THAP8: variants seen among roughly 807,000 people sequenced by gnomAD.
THAP8 encodes THAP domain-containing protein 8.
Under a neutral mutation model 25.0 loss-of-function variants are expected in THAP8, and 24 were observed. That is an observed-to-expected ratio of 0.96 (90% CI 0.69 to 1.35). The LOEUF is 1.35. Among genes scored for constraint, THAP8 ranks in the 40% most tolerant of loss-of-function variants. The pLI is 0.00. For synonymous variants in THAP8, 169 were observed against 157.6 expected (o/e 1.07, Z -0.54); for missense variants, 399 against 368.8 (o/e 1.08, Z -0.67).
intron 1 of THAP8, among the ~76,000 whole-genome samples, chr19:36,046,682 C>G (rs758085950): frequency 1.9e-4 from 29 of 152,190 alleles, no homozygotes; most frequent in Non-Finnish European, 2.8e-4. Flanking sequence ...AACACAAGAT[C>G]TATTGCAACA....
At chr19:36,043,378 G>A (rs1018427213) in intron 1 of THAP8, among the ~76,000 whole-genome samples, 1 of 152,188 alleles carries the variant, frequency 6.6e-6, no homozygotes, top group East Asian at 1.9e-4. Flanking sequence ...CAGTGGAATG[G>A]TGGTTGCCAA....
upstream of THAP8, chr19:36,054,753 A>T: frequency 1.6e-6 from 1 of 619,622 alleles, no homozygotes; most frequent in South Asian, 1.9e-5. Context: ...CATCCAGTAC[A>T]CTGGCTGTGG....
chr19:36,048,558 C>T (rs1969951151), intron 1 of THAP8, among the ~76,000 whole-genome samples: 1 of 151,806 alleles, frequency 6.6e-6, no homozygotes, highest in Admixed American at 6.6e-5. Context: ...AGAAATGGGG[C>T]TTCACCATGT....
intron 1 of THAP8, chr19:36,045,621 G>T: frequency 2.4e-6 from 1 of 413,856 alleles, no homozygotes; most frequent in Admixed American, 2.7e-5. Context: ...ATCTTGAGAT[G>T]GGGAGATTAT....
At chr19:36,047,227 T>A (rs950288733) in intron 1 of THAP8, among the ~76,000 whole-genome samples, 3 of 152,204 alleles carry the variant, frequency 2.0e-5, no homozygotes, top group Non-Finnish European at 4.4e-5. Flanking sequence ...GAAGTCCTTT[T>A]TTTCTTTCTT....
At chr19:36,047,870 T>C (rs564611594) in intron 1 of THAP8, among the ~76,000 whole-genome samples, 1 of 152,162 alleles carries the variant, frequency 6.6e-6, no homozygotes, top group South Asian at 2.1e-4. Context: ...GACCCCTCAT[T>C]TCTCATGACT....
Position 36,039,493 on chromosome 19 carries a change from G to A in THAP8, c.502C>T (p.Gln168Ter), listed in dbSNP as rs765081032. ...ERSQPEVPAQ[Q>*]AQTGLGPVLG... ...ACTGGGCCCAGCCCGGTCTGGGCCTGTTGGGCAGGGACTTCAGGTTGTGAC... is the reference window on the plus strand; with the variant it reads ...ACTGGGCCCAGCCCGGTCTGGGCCTATTGGGCAGGGACTTCAGGTTGTGAC... The change falls in exon 3 of 4, where the codon CAG becomes TAG. Residue 168 changes from glutamine to a stop codon, truncating the protein, a stop_gained. Coordinates refer to ENST00000292894, the MANE Select transcript of THAP8 (RefSeq NM_152658.3). LOFTEE classifies it high-confidence loss of function. 1.9e-6 allele frequency: 3 copies of A among 1,587,508 alleles called. No homozygotes were observed. Among genetic ancestry groups the A allele is most frequent in the Middle Eastern group, 1.7e-4 (1 of 5,954 alleles).
At chr19:36,050,467 T>C (rs1970025259) in intron 1 of THAP8, among the ~76,000 whole-genome samples, 1 of 152,148 alleles carries the variant, frequency 6.6e-6, no homozygotes. Flanking sequence ...TTGTTAATGA[T>C]TTATTTAGGA....
chr19:36,041,269 G>T (rs1050251632), intron 1 of THAP8, among the ~76,000 whole-genome samples: 1 of 150,794 alleles, frequency 6.6e-6, no homozygotes, highest in Admixed American at 6.6e-5. Context: ...CCGAGATTGC[G>T]CAACTGTACT....
In THAP8 at chr19:36,039,442, G is replaced by A. The variant is rs749687002; in HGVS notation, c.553C>T (p.Arg185Trp). Residue 185 changes from arginine (R) to tryptophan (W), a missense_variant, in exon 3 of 4, where the codon CGG becomes TGG. Transcript: ENST00000292894. ...PVLGALQRRV[R>W]RLQRCQERHQ... ...CGCTCCTGGCACCGTTGCAGCCTCC[G>A]CACCCGGCGTTGCAGTGCTCCCAGC... is the stretch of plus-strand genomic sequence containing the variant. 8.8e-6 allele frequency: 14 copies of A among 1,591,416 alleles called. No individual in the cohort carries two copies. Among genetic ancestry groups the A allele is most frequent in the East Asian group, 2.3e-5 (1 of 43,774 alleles).
Position 36,040,151 on chromosome 19 carries a change from G to A in THAP8, c.84-15C>T, listed in dbSNP as rs779108629. ...TCAGTGGGAACCTGCATGGGTGGTT[G>A]GGGGGCTGGGTCAGTGCTACGAGGT... On this transcript the variant is annotated splice_polypyrimidine_tract_variant and intron_variant, in intron 1 of 3. Transcript: ENST00000292894. 2.5e-6 allele frequency: 4 copies of A among 1,593,750 alleles called. No individual in the cohort carries two copies. Among genetic ancestry groups the A allele is most frequent in the Admixed American group, 3.4e-5 (2 of 59,196 alleles).
At chr19:36,038,846 G>A (rs1282903080) in intron 3 of THAP8, among the ~76,000 whole-genome samples, 1 of 141,452 alleles carries the variant, frequency 7.1e-6, no homozygotes, top group South Asian at 2.3e-4. Context: ...GCGAGACTCC[G>A]TCTCAAAAAA....
rs2145419987 is a variant in THAP8, at chr19:36,035,037, T to G, written c.*403A>C. 1 of 166,372 alleles carries G rather than the reference T, an allele frequency of 6.0e-6. No homozygotes were observed. The highest frequency in any genetic ancestry group is 1.7e-4 in the East Asian group (1 of 5,884). 10.3% of individuals were successfully genotyped at this position (166,372 alleles called of 1,614,324 possible). ...TTTACTAGTTCATCGTCTACTCAAG[T>G]AGAATGAGCACCATGAGGGCAGGGA... On this transcript the variant is annotated 3_prime_UTR_variant, in exon 4 of 4. Transcript: ENST00000292894.
intron 1 of THAP8, among the ~76,000 whole-genome samples, chr19:36,046,162 TAGTG>T (rs1197104129): frequency 2.0e-5 from 3 of 152,062 alleles, no homozygotes; most frequent in Admixed American, 6.6e-5. Context: ...GTTCCCATGA[TAGTG>T]AGTGAGTTCT....
intron 1 of THAP8, among the ~76,000 whole-genome samples, chr19:36,046,297 C>T (rs1351152701): frequency 6.6e-6 from 1 of 152,114 alleles, no homozygotes; most frequent in Non-Finnish European, 1.5e-5. Context: ...CTGAGGCCTC[C>T]CCAGCCATTC....
At chr19:36,047,906 T>C (rs1002202475) in intron 1 of THAP8, among the ~76,000 whole-genome samples, 2 of 152,118 alleles carry the variant, frequency 1.3e-5, no homozygotes, top group African/African-American at 4.8e-5. Flanking sequence ...CAGTGCTGGT[T>C]TGCCAACCTC....
At chr19:36,041,573 C>T (rs960545805) in intron 1 of THAP8, among the ~76,000 whole-genome samples, 3 of 152,140 alleles carry the variant, frequency 2.0e-5, no homozygotes, top group Non-Finnish European at 4.4e-5. Flanking sequence ...AAAACACCCA[C>T]TAACAAGTCT....
At chr19:36,036,140 TCTGTGCCC>T (rs1252356167) in intron 3 of THAP8, among the ~76,000 whole-genome samples, 1 of 152,026 alleles carries the variant, frequency 6.6e-6, no homozygotes, top group Non-Finnish European at 1.5e-5. Flanking sequence ...CCACTGTCCC[TCTGTGCCC>T]CAGGCCACAG....
chr19:36,035,327 G>A lies in THAP8; in HGVS notation c.*113C>T. ...GGGTGGTAGAACCCAGGCCCTTGAGGGAGGCACTGCTACTACCCAGGCGTG... is the reference window on the plus strand; with the variant it reads ...GGGTGGTAGAACCCAGGCCCTTGAGAGAGGCACTGCTACTACCCAGGCGTG... On this transcript the variant is annotated 3_prime_UTR_variant, in exon 4 of 4. Transcript: ENST00000292894. The A allele has an allele frequency of 2.2e-6, 3 of 1,377,592 alleles. No homozygotes were observed. The Admixed American group carries it at 6.8e-5, about 31-fold the overall frequency. The allele number at this position is 1,377,592 out of a possible 1,614,324, so 85.3% of individuals were successfully genotyped here.
Sources: gnomAD v4.1 joint callset for allele counts (sites outside exome capture counted in the v4.1 genomes callset) on GRCh38, gnomAD v4.1.1 for gene constraint, MANE v1.5 for transcripts, NCBI Gene and HGNC (gene_info 2026-07-23, HGNC 2026-07-21) for gene names.